The following LRP5 variants were observed in gnomAD, a reference collection of about 807,000 sequenced individuals.
LRP5 encodes low-density lipoprotein receptor-related protein 5.
LRP5 carries 62 observed loss-of-function variants against 154.1 expected under a neutral mutation model. The observed-to-expected ratio is 0.40, with a 90% CI of 0.33 to 0.50. The LOEUF (loss-of-function observed/expected upper bound fraction) is 0.50. Among genes scored for constraint, LRP5 ranks in the 20% least tolerant of loss-of-function variants. LRP5 has a pLI of 0.55. For missense variants in LRP5, 1,915 were observed against 2,336.7 expected (o/e 0.82, Z 3.72); for synonymous variants, 966 against 1,011.5 (o/e 0.96, Z 0.85).
chr11:68,423,740 G>A lies in LRP5; in HGVS notation c.3236+43G>A, dbSNP rs532734746. On this transcript the variant is annotated intron_variant, in intron 14 of 22. Transcript: ENST00000294304. This position sits in a 1 kb window ranked among gnomAD's most constrained non-coding sequence, Gnocchi z 4.7. ...GGGTGGGGGTGCTGCCCGTCCAGGC[G>A]TGCCCGCCGTGTCTTCTGCCGAATG... 1.4e-5 allele frequency: 21 copies of A among 1,552,820 alleles called. No individual in the cohort carries two copies. Among genetic ancestry groups the A allele is most frequent in the South Asian group, 2.3e-5 (2 of 88,732 alleles).
chr11:68,355,848 C>CT (rs906793008), intron 2 of LRP5, among the ~76,000 whole-genome samples: 144 of 149,390 alleles, frequency 9.6e-4, no homozygotes, highest in Middle Eastern at 6.8e-3. Flanking sequence ...GGGTTTTATT[C>CT]TTTTTTTTTT....
intron 5 of LRP5, among the ~76,000 whole-genome samples, chr11:68,377,811 C>T (rs1471854198): frequency 3.9e-5 from 6 of 152,168 alleles, no homozygotes; most frequent in South Asian, 2.1e-4. Context: ...TGGGGGTGGG[C>T]GTCCGGGCAG....
rs935184640 is a variant in LRP5, at chr11:68,422,294, A to G, written c.3028-1195A>G. 7.9e-5 allele frequency among the ~76,000 whole-genome samples: 12 copies of G among 152,308 alleles called. No homozygotes were observed. The South Asian group carries it at 2.5e-3, about 32-fold the overall frequency. The stretch of plus-strand genomic sequence containing the variant: ...ACCTAGATAAAGAAAGTCTGAAAAG[A>G]CTTACTATCAGAGCACCATCCTAAG... On this transcript the variant is annotated intron_variant, in intron 13 of 22. Transcript: ENST00000294304.
intron 16 of LRP5, among the ~76,000 whole-genome samples, chr11:68,426,623 A>T (rs1383827672): frequency 6.6e-6 from 1 of 151,608 alleles, no homozygotes; most frequent in Non-Finnish European, 1.5e-5. Flanking sequence ...GGGTTTCCCC[A>T]TGTTGCCCAG....
chr11:68,437,199 G>A (rs905100827), intron 19 of LRP5, among the ~76,000 whole-genome samples, 200 bp downstream of exon 19: 2 of 152,150 alleles, frequency 1.3e-5, no homozygotes, highest in East Asian at 1.9e-4. Context: ...CTGTGGGCTC[G>A]GCGGCTACAG....
chr11:68,324,230 C>T (rs1172310417), intron 1 of LRP5, among the ~76,000 whole-genome samples: 1 of 152,240 alleles, frequency 6.6e-6, no homozygotes, highest in African/African-American at 2.4e-5. Flanking sequence ...TGGCTGCGGG[C>T]GGAACAGCAG....
At chr11:68,443,126 A>C (rs1011398670) in intron 21 of LRP5, among the ~76,000 whole-genome samples, 5 of 152,066 alleles carry the variant, frequency 3.3e-5, no homozygotes, top group Admixed American at 3.3e-4. Context: ...CACCTGTCTA[A>C]TATAGAGTAA....
intron 2 of LRP5, among the ~76,000 whole-genome samples, chr11:68,350,025 C>G (rs1197888469): frequency 3.9e-5 from 6 of 152,136 alleles, no homozygotes; most frequent in African/African-American, 1.4e-4. Context: ...TCAGTGTCAC[C>G]ACAGTCTCTC....
intron 1 of LRP5, among the ~76,000 whole-genome samples, chr11:68,331,743 C>CTGTGTG (rs60278908): frequency 6.1e-5 from 9 of 148,146 alleles, no homozygotes; most frequent in African/African-American, 2.3e-4. Flanking sequence ...TTCCTCTGGG[C>CTGTGTG]TGTGTGTGTG....
rs530922432 is a variant in LRP5 at position 68,433,873 on chromosome 11, C to G, written c.4000+35C>G. 1.6e-5 allele frequency: 25 copies of G among 1,589,918 alleles called. No homozygotes were observed. In the East Asian group the frequency reaches 5.7e-4, roughly 36 times the overall value. Reference sequence around the variant, plus strand: ...TCCCCGTCAAGGCTCTGCCAAGACCCTGGCCCTGCCCTCCGGGATACGAGC... The same window carrying G: ...TCCCCGTCAAGGCTCTGCCAAGACCGTGGCCCTGCCCTCCGGGATACGAGC... On this transcript the variant is annotated intron_variant, in intron 18 of 22. Coordinates refer to ENST00000294304, the MANE Select transcript of LRP5 (RefSeq NM_002335.4).
chr11:68,421,607 G>C (rs2098665639), intron 13 of LRP5, among the ~76,000 whole-genome samples: 1 of 152,096 alleles, frequency 6.6e-6, no homozygotes, highest in Non-Finnish European at 1.5e-5. Flanking sequence ...GTAGTGATGT[G>C]GATGTTGTTA....
chr11:68,334,492 C>T (rs2098604567), intron 1 of LRP5, among the ~76,000 whole-genome samples: 1 of 152,236 alleles, frequency 6.6e-6, no homozygotes, highest in Admixed American at 6.5e-5. Flanking sequence ...TTGGACGAGA[C>T]AGTACCCAGA....
intron 1 of LRP5, among the ~76,000 whole-genome samples, chr11:68,326,178 T>C (rs1254040341): frequency 1.3e-5 from 2 of 152,200 alleles, no homozygotes; most frequent in Admixed American, 1.3e-4. Flanking sequence ...TCTAGGAGTC[T>C]GGGGGACAGG....
rs543951850 is a variant in LRP5 at position 68,431,711 on chromosome 11, A to G, written c.3764-1891A>G. Among the ~76,000 whole-genome samples the G allele has an allele frequency of 1.2e-4, 18 of 152,276 alleles. No individual in the cohort carries two copies. The East Asian group carries it at 2.9e-3, about 25-fold the overall frequency. On this transcript the variant is annotated intron_variant, in intron 17 of 22. Coordinates refer to ENST00000294304, the MANE Select transcript of LRP5 (RefSeq NM_002335.4). Reference sequence around the variant, plus strand: ...CTTCCCAGCAGCTTTTCTCCAAGTTACAGCCCAAAAGCTCAGGTGGATTTG... The same window carrying G: ...CTTCCCAGCAGCTTTTCTCCAAGTTGCAGCCCAAAAGCTCAGGTGGATTTG...
chr11:68,341,059 C>CTTTTTTTTTTTTTTTTTTTTTTTTTTTT lies in LRP5; in HGVS notation c.92-6769_92-6768insTTTTTTTTTTTTTTTTTTTTTTTTTTTT, dbSNP rs576462333. Among the ~76,000 whole-genome samples, 7 of 83,478 alleles carry CTTTTTTTTTTTTTTTTTTTTTTTTTTTT rather than the reference C, an allele frequency of 8.4e-5. 2 individuals carry two copies. The highest frequency in any genetic ancestry group is 1.4e-4 in the Non-Finnish European group (6 of 41,996). The allele number at this position is 83,478 out of a possible 152,430, so 54.8% of individuals were successfully genotyped here. A position where few individuals can be genotyped will look rare whatever the true frequency, so the allele number is the denominator to read the frequency against. ...GTTACCCCTGCCGCTGGAGATTGTT[C>CTTTTTTTTTTTTTTTTTTTTTTTTTTTT]TTTTTTTTTTTTTTTTTTTGCTATT... is the stretch of plus-strand genomic sequence containing the variant. On this transcript the variant is annotated intron_variant, in intron 1 of 22. Coordinates refer to ENST00000294304, the MANE Select transcript of LRP5 (RefSeq NM_002335.4).
chr11:68,428,909 A>G (rs1169842317), intron 16 of LRP5, among the ~76,000 whole-genome samples: 1 of 8,328 alleles, frequency 1.2e-4, no homozygotes, highest in Non-Finnish European at 2.2e-4. Flanking sequence ...ATGAGACCCC[A>G]TTTCTACAAA....
intron 3 of LRP5, among the ~76,000 whole-genome samples, chr11:68,362,926 C>T (rs930750049): frequency 6.6e-6 from 1 of 151,282 alleles, no homozygotes; most frequent in South Asian, 2.1e-4. Context: ...TGTCACGGGG[C>T]GAGGGTCATT....
chr11:68,385,327 G>A (rs2098642390), intron 5 of LRP5, among the ~76,000 whole-genome samples: 1 of 152,202 alleles, frequency 6.6e-6, no homozygotes, highest in Non-Finnish European at 1.5e-5. Flanking sequence ...TGGCCCTGGG[G>A]GGCAGCAGAG....
chr11:68,315,173 T>C (rs2098592287), intron 1 of LRP5, among the ~76,000 whole-genome samples: 1 of 152,206 alleles, frequency 6.6e-6, no homozygotes, highest in Admixed American at 6.5e-5. Flanking sequence ...ACCTAGTTTC[T>C]GTTATCTCAC....
Sources: allele counts gnomAD v4.1 joint callset (sites outside exome capture counted in the v4.1 genomes callset), GRCh38; gene constraint gnomAD v4.1.1; non-coding constraint Gnocchi (gnomAD v3.1); transcripts MANE v1.5; gene names NCBI Gene and HGNC (gene_info 2026-07-23, HGNC 2026-07-21).